The following CLIP2 variants were observed in gnomAD, a reference collection of about 807,000 sequenced individuals.
CLIP2 encodes the protein CAP-Gly domain containing linker protein 2.
Under a neutral mutation model 111.7 loss-of-function variants are expected in CLIP2, and 41 were observed. The ratio of observed to expected loss-of-function variants is 0.37; its 90% confidence interval spans 0.29 to 0.48. The LOEUF (loss-of-function observed/expected upper bound fraction) is 0.48. CLIP2 is among the 20% of genes least tolerant of loss of function. The pLI is 0.99. For synonymous variants in CLIP2, 660 were observed against 644.2 expected (o/e 1.02, Z -0.37); for missense variants, 1,160 against 1,422.1 (o/e 0.82, Z 2.96).
At position 74,360,284 on chromosome 7, in the gene CLIP2, T is replaced by C. The variant is rs1554309484; in HGVS notation, c.1319+6T>C. 1 of 1,585,912 alleles carries C rather than the reference T, an allele frequency of 6.3e-7. No homozygotes were observed. Among genetic ancestry groups the C allele is most frequent in the East Asian group, 2.3e-5 (1 of 43,816 alleles). The stretch of plus-strand genomic sequence containing the variant: ...CAGCTGGAGGAGGAGAGGAGGTACG[T>C]GCTGGCCCACCCTCGCCCTGGCCCT... On this transcript the variant is annotated splice_donor_region_variant and intron_variant, in intron 7 of 16. Transcript: ENST00000223398.
rs1554313098 is a variant in CLIP2 at position 74,376,838 on chromosome 7, T to G, written c.2421+16T>G. 1 of 1,551,078 alleles carries G rather than the reference T, an allele frequency of 6.4e-7. No homozygotes were observed. Among genetic ancestry groups the G allele is most frequent in the East Asian group, 2.3e-5 (1 of 42,998 alleles). The stretch of plus-strand genomic sequence containing the variant: ...GCACACCCACGTAGGCGCCTGCCCC[T>G]CCTGCTGGGGCGGGAGGGTCGGGCT... On this transcript the variant is annotated intron_variant, in intron 10 of 16. Transcript: ENST00000223398. This position sits in a 1 kb window ranked among gnomAD's most constrained non-coding sequence, Gnocchi z 7.1.
chr7:74,307,465 T>C (rs546800656), intron 1 of CLIP2, among the ~76,000 whole-genome samples: 1 of 152,314 alleles, frequency 6.6e-6, no homozygotes, highest in Admixed American at 6.5e-5. Flanking sequence ...ATTCGTGCAA[T>C]GCCTGGTAGA....
At chr7:74,290,222 C>T (rs1235454219) in intron 1 of CLIP2, among the ~76,000 whole-genome samples, 6 of 152,198 alleles carry the variant, frequency 3.9e-5, no homozygotes, top group Admixed American at 2.0e-4. Flanking sequence ...CAGGGACTGC[C>T]CCCCTCTCCT....
chr7:74,403,390 G>A (rs1338799165), intron 16 of CLIP2, among the ~76,000 whole-genome samples: 1 of 151,730 alleles, frequency 6.6e-6, no homozygotes, highest in Non-Finnish European at 1.5e-5. Flanking sequence ...TCAACATGGT[G>A]AAACCCCATC....
At chr7:74,353,411 C>T (rs112520166) in intron 3 of CLIP2, among the ~76,000 whole-genome samples, 9 of 152,060 alleles carry the variant, frequency 5.9e-5, no homozygotes, top group South Asian at 2.1e-4. Flanking sequence ...CCACCAGGCC[C>T]GGCTAATTTT....
At position 74,363,857 on chromosome 7, in the gene CLIP2, A is replaced by G. The variant is rs112682734; in HGVS notation, c.1320-398A>G. Among the ~76,000 whole-genome samples the G allele has an allele frequency of 3.8e-3, 565 of 149,284 alleles. 3 individuals carry two copies. The highest frequency in any genetic ancestry group is 0.021 in the Middle Eastern group (6 of 290). On this transcript the variant is annotated intron_variant, in intron 7 of 16. Transcript: ENST00000223398. ...GCCTCAGTGAGCCGAGATCACACCA[A>G]TGCACTCCAGCCTGGGCAACAGAGC...
intron 2 of CLIP2, among the ~76,000 whole-genome samples, chr7:74,321,707 A>AT (rs782569666): frequency 4.4e-4 from 66 of 151,488 alleles, no homozygotes; most frequent in Non-Finnish European, 8.7e-4. Flanking sequence ...TGGCCTTGTG[A>AT]TCCCCCCGCC....
At chr7:74,331,576 T>G (rs1419102211) in intron 2 of CLIP2, among the ~76,000 whole-genome samples, 1 of 137,516 alleles carries the variant, frequency 7.3e-6, no homozygotes, top group Non-Finnish European at 1.6e-5. Flanking sequence ...TTTTTTTTTT[T>G]TTTTTTTTTG....
intron 1 of CLIP2, among the ~76,000 whole-genome samples, chr7:74,299,997 T>A (rs2116454871): frequency 6.6e-6 from 1 of 151,012 alleles, no homozygotes; most frequent in South Asian, 2.1e-4. Flanking sequence ...CCACCCAGCT[T>A]TTTTTTTGGA....
intron 8 of CLIP2, among the ~76,000 whole-genome samples, chr7:74,372,411 G>T (rs1448706391): frequency 1.3e-4 from 19 of 147,880 alleles, no homozygotes; most frequent in Non-Finnish European, 2.3e-4. Flanking sequence ...TTGGGGGGGG[G>T]GGGGAGTCGA....
chr7:74,360,048 C>A, intron 6 of CLIP2, 127 bp from the exon 7 acceptor site: 1 of 693,166 alleles, frequency 1.4e-6, no homozygotes, highest in Non-Finnish European at 2.4e-6. Context: ...CCGGCAGGTG[C>A]CAGCAGGGAA....
rs782594187 is a variant in CLIP2, at chr7:74,343,949, C to T, written c.678+4945C>T. On this transcript the variant is annotated intron_variant, in intron 3 of 16. Coordinates refer to ENST00000223398, the MANE Select transcript of CLIP2 (RefSeq NM_003388.5). ...AGAACTGGTGGATGTGAGGATGAGT[C>T]ATAGTCTGCAAGGAGCTATGGCTGT... 9.9e-5 allele frequency among the ~76,000 whole-genome samples: 15 copies of T among 152,094 alleles called. 1 individual carries two copies. The highest frequency in any genetic ancestry group is 2.6e-4 in the Admixed American group (4 of 15,224).
intron 3 of CLIP2, among the ~76,000 whole-genome samples, chr7:74,342,568 G>A (rs1789687584): frequency 6.6e-6 from 1 of 152,122 alleles, no homozygotes; most frequent in South Asian, 2.1e-4. Flanking sequence ...CAGGTTCATG[G>A]GTTAAGGACA....
intron 1 of CLIP2, among the ~76,000 whole-genome samples, chr7:74,316,003 A>G (rs1325963968): frequency 6.6e-6 from 1 of 150,802 alleles, no homozygotes; most frequent in Admixed American, 6.6e-5. Flanking sequence ...TAAGCCCAGC[A>G]TGCATCAGCT....
chr7:74,390,115 G>A (rs568660605), intron 13 of CLIP2, among the ~76,000 whole-genome samples: 2 of 113,910 alleles, frequency 1.8e-5, no homozygotes, highest in East Asian at 2.4e-4. Context: ...AAGAAAGAAA[G>A]AAAGAAAAGA....
At chr7:74,403,743 G>A (rs918591052) in intron 16 of CLIP2, 94 bp from the exon 17 acceptor site, 9 of 1,294,852 alleles carry the variant, frequency 7.0e-6, no homozygotes, top group Middle Eastern at 3.7e-4. Context: ...TCCCCCACCC[G>A]GCCCCAACTC....
At chr7:74,298,354 TG>T (rs202126960) in intron 1 of CLIP2, among the ~76,000 whole-genome samples, 377 of 122,770 alleles carry the variant, frequency 3.1e-3, no homozygotes, top group African/African-American at 6.4e-3. Flanking sequence ...CCCTGCTAAT[TG>T]GTTTTTTTTT....
intron 3 of CLIP2, among the ~76,000 whole-genome samples, chr7:74,349,454 A>C (rs868918321): frequency 3.3e-5 from 2 of 60,102 alleles, no homozygotes; most frequent in East Asian, 6.4e-4. Context: ...AAAAGTATGT[A>C]TGTGTGTGTG....
chr7:74,373,529 TC>T (rs1197864360), intron 9 of CLIP2, among the ~76,000 whole-genome samples: 2 of 151,886 alleles, frequency 1.3e-5, no homozygotes, highest in Non-Finnish European at 2.9e-5. Flanking sequence ...GTGCTTATGT[TC>T]CCTGGCTCAG....
Sources: allele counts gnomAD v4.1 joint callset (sites outside exome capture counted in the v4.1 genomes callset), GRCh38; gene constraint gnomAD v4.1.1; non-coding constraint Gnocchi (gnomAD v3.1); transcripts MANE v1.5; gene names NCBI Gene and HGNC (gene_info 2026-07-23, HGNC 2026-07-21).